The following DLC1 variants were observed in gnomAD, a reference collection of about 807,000 sequenced individuals.
DLC1 encodes the protein DLC1 Rho GTPase activating protein.
In DLC1, 54 loss-of-function variants were observed where a neutral mutation model predicts 140.3. The ratio of observed to expected loss-of-function variants is 0.38; its 90% confidence interval spans 0.31 to 0.48. DLC1 has a LOEUF of 0.48. DLC1 is among the 20% of genes least tolerant of loss of function. The pLI is 0.96. For synonymous variants in DLC1, 986 were observed against 728.1 expected (o/e 1.35, Z -5.70); for missense variants, 2,536 against 1,907.0 (o/e 1.33, Z -6.14).
intron 4 of DLC1, among the ~76,000 whole-genome samples, chr8:13,320,100 C>T (rs1481248532): frequency 6.6e-6 from 1 of 152,134 alleles, no homozygotes; most frequent in Non-Finnish European, 1.5e-5. Flanking sequence ...TGTGGGCCAC[C>T]ATGCCTGGCC....
chr8:13,186,080 G>T (rs1418168028), intron 5 of DLC1, among the ~76,000 whole-genome samples: 1 of 151,746 alleles, frequency 6.6e-6, no homozygotes, highest in Non-Finnish European at 1.5e-5. Flanking sequence ...TGCCCGTAAC[G>T]CTTTTTTCTG....
intron 1 of DLC1, among the ~76,000 whole-genome samples, chr8:13,547,411 A>G (rs1362524062): frequency 6.6e-6 from 1 of 152,038 alleles, no homozygotes; most frequent in African/African-American, 2.4e-5. Context: ...CATTTAATAC[A>G]TGTATTAAAG....
chr8:13,283,304 A>ACG (rs1831429541), intron 5 of DLC1, among the ~76,000 whole-genome samples: 1 of 151,470 alleles, frequency 6.6e-6, no homozygotes, highest in Non-Finnish European at 1.5e-5. Flanking sequence ...ACACACACAC[A>ACG]CACACACACA....
intron 5 of DLC1, among the ~76,000 whole-genome samples, chr8:13,289,681 G>T (rs187194507): frequency 1.3e-5 from 2 of 152,296 alleles, no homozygotes; most frequent in African/African-American, 4.8e-5. Flanking sequence ...GCTATTCCAA[G>T]ATGTGAATAA....
In DLC1 at chr8:13,462,565, A is replaced by G. The variant is rs564713485; in HGVS notation, c.1023+36484T>C. Among the ~76,000 whole-genome samples the G allele has an allele frequency of 7.4e-5, 9 of 122,162 alleles. No homozygotes were observed. In the East Asian group the frequency reaches 2.1e-3, roughly 29 times the overall value. 80.1% of individuals were successfully genotyped at this position (122,162 alleles called of 152,430 possible). A position where few individuals can be genotyped will look rare whatever the true frequency, so the allele number is the denominator to read the frequency against. ...ACTACAGGTGTCCGCCACCACGCCC[A>G]GCTATTTTTTTTTGTATTTTTCAGT... On this transcript the variant is annotated intron_variant, in intron 2 of 17. Transcript: ENST00000276297.
chr8:13,589,384 C>T (rs750673715), intron 1 of DLC1, among the ~76,000 whole-genome samples: 4 of 152,176 alleles, frequency 2.6e-5, no homozygotes, highest in East Asian at 3.9e-4. Flanking sequence ...CAATGAGTCT[C>T]CATTTCTCCT....
intron 1 of DLC1, among the ~76,000 whole-genome samples, chr8:13,550,880 C>T (rs973525224): frequency 2.6e-5 from 4 of 151,804 alleles, no homozygotes; most frequent in Non-Finnish European, 4.4e-5. Context: ...CTATTAGCTA[C>T]GATTAAAAAA....
intron 4 of DLC1, among the ~76,000 whole-genome samples, chr8:13,386,833 C>T (rs968731671): frequency 6.6e-6 from 1 of 152,020 alleles, no homozygotes; most frequent in African/African-American, 2.4e-5. Flanking sequence ...TCAGTTCTTC[C>T]TTAAAAAGCT....
chr8:13,205,836 T>C (rs992110463), intron 5 of DLC1, among the ~76,000 whole-genome samples: 5 of 152,242 alleles, frequency 3.3e-5, no homozygotes, highest in African/African-American at 1.2e-4. Context: ...ATAATACTAA[T>C]AAGTCAAGAC....
At chr8:13,534,626 A>G (rs1803208528) in intron 1 of DLC1, among the ~76,000 whole-genome samples, 1 of 152,136 alleles carries the variant, frequency 6.6e-6, no homozygotes, top group African/African-American at 2.4e-5. Flanking sequence ...ATCTCTAGGA[A>G]AAGCGCCACT....
chr8:13,414,741 T>C (rs954657096), intron 2 of DLC1, among the ~76,000 whole-genome samples: 1 of 152,190 alleles, frequency 6.6e-6, no homozygotes, highest in Non-Finnish European at 1.5e-5. Flanking sequence ...GTGAATTAGC[T>C]TATACAATAC....
intron 5 of DLC1, among the ~76,000 whole-genome samples, chr8:13,123,697 T>G (rs1421042807): frequency 2.0e-5 from 3 of 152,150 alleles, no homozygotes; most frequent in African/African-American, 7.2e-5. Flanking sequence ...TCCACAAAAC[T>G]TATTATGTTT....
intron 4 of DLC1, among the ~76,000 whole-genome samples, chr8:13,316,222 C>T (rs1428639830): frequency 1.3e-5 from 2 of 152,130 alleles, no homozygotes; most frequent in Non-Finnish European, 2.9e-5. Flanking sequence ...TGGTCTGGTG[C>T]CTGCAGCAGC....
chr8:13,143,719 C>G (rs1453152097), intron 5 of DLC1, among the ~76,000 whole-genome samples: 1 of 151,258 alleles, frequency 6.6e-6, no homozygotes, highest in Non-Finnish European at 1.5e-5. Context: ...GCATCAGTGA[C>G]TTTTTCTTGG....
intron 5 of DLC1, among the ~76,000 whole-genome samples, chr8:13,277,829 T>G (rs1486980151): frequency 6.6e-6 from 1 of 152,170 alleles, no homozygotes; most frequent in Non-Finnish European, 1.5e-5. Flanking sequence ...ACTTTGTAAA[T>G]TTCAAGAAGC....
intron 4 of DLC1, among the ~76,000 whole-genome samples, chr8:13,388,690 A>G (rs289552): frequency 0.79 from 120,362 of 151,740 alleles, 47,907 homozygotes; most frequent in East Asian, 0.93. Flanking sequence ...GAATATATGT[A>G]CACACACAAG....
intron 4 of DLC1, among the ~76,000 whole-genome samples, chr8:13,357,025 TA>T (rs1834973483): frequency 6.6e-6 from 1 of 151,622 alleles, no homozygotes; most frequent in Non-Finnish European, 1.5e-5. Flanking sequence ...TCCCAACACT[TA>T]GGGGGGCTGA....
At chr8:13,146,947 T>A (rs1823480092) in intron 5 of DLC1, among the ~76,000 whole-genome samples, 1 of 152,194 alleles carries the variant, frequency 6.6e-6, no homozygotes, top group Non-Finnish European at 1.5e-5. Context: ...AGTATAAATT[T>A]TAAATCTCTC....
chr8:13,532,715 A>G (rs866719930), intron 1 of DLC1, among the ~76,000 whole-genome samples: 28 of 152,148 alleles, frequency 1.8e-4, no homozygotes, highest in African/African-American at 4.8e-4. Context: ...TCGGCCTCCC[A>G]TAGTGCTGGG....
Sources: allele counts gnomAD v4.1 joint callset (sites outside exome capture counted in the v4.1 genomes callset), GRCh38; gene constraint gnomAD v4.1.1; transcripts MANE v1.5; gene names NCBI Gene and HGNC (gene_info 2026-07-23, HGNC 2026-07-21).